Variants in AK5 observed in about 807,000 individuals in gnomAD.
AK5 encodes adenylate kinase isoenzyme 5.
Under a neutral mutation model 69.5 loss-of-function variants are expected in AK5, and 27 were observed. The observed-to-expected ratio is 0.39, with a 90% CI of 0.29 to 0.54. The LOEUF is 0.54. AK5 is among the 20% of genes least tolerant of loss of function. The pLI is 0.71. For synonymous variants in AK5, 260 were observed against 244.4 expected, an observed-to-expected ratio of 1.06 and a Z score of -0.60; for missense variants, 531 against 700.4, an observed-to-expected ratio of 0.76 and a Z score of 2.73.
intron 5 of AK5, among the ~76,000 whole-genome samples, chr1:77,332,661 A>G (rs899956365): frequency 2.6e-5 from 4 of 151,472 alleles, no homozygotes; most frequent in African/African-American, 9.7e-5. Context: ...GCTTATTTCT[A>G]CTACAGCCAT....
At chr1:77,408,641 A>C (rs1357545476) in intron 6 of AK5, among the ~76,000 whole-genome samples, 1 of 152,092 alleles carries the variant, frequency 6.6e-6, no homozygotes, top group Non-Finnish European at 1.5e-5. Flanking sequence ...ATTAGGTCCC[A>C]CTTATCAATT....
chr1:77,409,974 C>T (rs1054913511), intron 6 of AK5, among the ~76,000 whole-genome samples: 1 of 152,022 alleles, frequency 6.6e-6, no homozygotes, highest in African/African-American at 2.4e-5. Context: ...GCCAGTTATC[C>T]CAGCACTATT....
At chr1:77,461,162 T>C (rs1338951706) in intron 8 of AK5, among the ~76,000 whole-genome samples, 1 of 151,408 alleles carries the variant, frequency 6.6e-6, no homozygotes, top group Non-Finnish European at 1.5e-5. Context: ...GCCTCCCGAG[T>C]AGCTGAGACT....
rs1651735362 is a variant in AK5 at position 77,432,926 on chromosome 1, G to A, written c.1059+15211G>A. On this transcript the variant is annotated intron_variant, in intron 8 of 13. Transcript: ENST00000354567. ...ATTTTGATGGAGTGTCTTGGGAAAC[G>A]CTGCCTATAGCATGAAGCCATCAAC... Among the ~76,000 whole-genome samples, 4 of 152,288 alleles carry A rather than the reference G, an allele frequency of 2.6e-5. No individual in the cohort carries two copies. In the South Asian group the frequency reaches 6.2e-4, roughly 24 times the overall value.
intron 8 of AK5, among the ~76,000 whole-genome samples, chr1:77,445,397 C>A (rs199878804): frequency 6.6e-6 from 1 of 152,256 alleles, no homozygotes; most frequent in East Asian, 1.9e-4. Context: ...AGTACCTTTT[C>A]ATGTACCTGT....
At position 77,537,389 on chromosome 1, in the gene AK5, A is replaced by G. The variant is rs376583190; in HGVS notation, c.1620+1351A>G. Among the ~76,000 whole-genome samples the G allele has an allele frequency of 2.0e-5, 3 of 152,292 alleles. No individual in the cohort carries two copies. In the East Asian group the frequency reaches 5.8e-4, roughly 29 times the overall value. ...CAAGATGGATCATATGTAGGAGCAA[A>G]TAATTGTCCTCTGAGTGATGGGAAC... On this transcript the variant is annotated intron_variant, in intron 13 of 13. Coordinates refer to ENST00000354567, the MANE Select transcript of AK5 (RefSeq NM_174858.3).
intron 13 of AK5, among the ~76,000 whole-genome samples, chr1:77,537,095 G>A (rs1659012847): frequency 6.6e-6 from 1 of 152,128 alleles, no homozygotes; most frequent in Admixed American, 6.5e-5. Context: ...AGGAGAGAGA[G>A]ACAAACGTGT....
At chr1:77,379,007 A>C (rs995050316) in intron 6 of AK5, among the ~76,000 whole-genome samples, 2 of 152,210 alleles carry the variant, frequency 1.3e-5, no homozygotes, top group African/African-American at 4.8e-5. Context: ...AAGAGACAAC[A>C]TGCTGGGTTG....
At chr1:77,291,166 G>A (rs539132071) in intron 2 of AK5, among the ~76,000 whole-genome samples, 5 of 152,308 alleles carry the variant, frequency 3.3e-5, no homozygotes, top group South Asian at 2.1e-4. Context: ...TATTGCTGGA[G>A]CAGAAAAGAG....
chr1:77,529,946 A>G (rs1248277175), intron 12 of AK5, among the ~76,000 whole-genome samples: 1 of 152,230 alleles, frequency 6.6e-6, no homozygotes, highest in Non-Finnish European at 1.5e-5. Context: ...ATATGTACAT[A>G]ACTCTCGTGG....
chr1:77,348,142 A>T (rs1662004695), intron 6 of AK5, among the ~76,000 whole-genome samples: 1 of 151,190 alleles, frequency 6.6e-6, no homozygotes, highest in Non-Finnish European at 1.5e-5. Flanking sequence ...TTTTATTATT[A>T]CCGACACTCA....
At chr1:77,315,513 A>G (rs1209614654) in intron 5 of AK5, among the ~76,000 whole-genome samples, 1 of 152,140 alleles carries the variant, frequency 6.6e-6, no homozygotes, top group African/African-American at 2.4e-5. Flanking sequence ...AAATGAAACT[A>G]CTTTGAAGAA....
At chr1:77,532,083 C>T (rs2803170) in intron 12 of AK5, 3,848 of 153,290 alleles carry the variant, frequency 0.025, 126 homozygotes, top group African/African-American at 0.088. Context: ...TGCGCACAGT[C>T]CCGGTTCCCG....
intron 13 of AK5, among the ~76,000 whole-genome samples, chr1:77,557,616 C>T (rs907762413): frequency 8.5e-5 from 13 of 152,154 alleles, no homozygotes; most frequent in Non-Finnish European, 1.9e-4. Context: ...CACACCTACA[C>T]ACTGCGGTCC....
intron 1 of AK5, chr1:77,282,615 G>A (rs1303125226): frequency 8.5e-6 from 11 of 1,287,854 alleles, no homozygotes; most frequent in Non-Finnish European, 1.1e-5. Context: ...CTTCCAGCAG[G>A]GTTCTGAAAG....
At chr1:77,438,294 CAAAAAAAAAAAAA>C (rs56019139) in intron 8 of AK5, among the ~76,000 whole-genome samples, 43 of 52,802 alleles carry the variant, frequency 8.1e-4, no homozygotes, top group African/African-American at 1.6e-3. Context: ...ATATTTGGTA[CAAAAAAAAAAAAA>C]AAAAAAAAAA....
chr1:77,546,149 C>G (rs551486096), intron 13 of AK5, among the ~76,000 whole-genome samples: 3 of 152,240 alleles, frequency 2.0e-5, no homozygotes, highest in African/African-American at 7.2e-5. Context: ...CCTCCCCAAA[C>G]AGCAAGCAGA....
intron 7 of AK5, among the ~76,000 whole-genome samples, chr1:77,416,808 G>A (rs1446445663): frequency 6.6e-6 from 1 of 152,176 alleles, no homozygotes; most frequent in Non-Finnish European, 1.5e-5. Context: ...CCAAGGCCAA[G>A]TTTACAGTGA....
chr1:77,408,430 T>G (rs1428316556), intron 6 of AK5, among the ~76,000 whole-genome samples: 1 of 152,204 alleles, frequency 6.6e-6, no homozygotes, highest in African/African-American at 2.4e-5. Flanking sequence ...GTAAGTCTTT[T>G]TTTGAGAAGT....
Sources: gnomAD v4.1 joint callset for allele counts (sites outside exome capture counted in the v4.1 genomes callset) on GRCh38, gnomAD v4.1.1 for gene constraint, MANE v1.5 for transcripts, NCBI Gene and HGNC (gene_info 2026-07-23, HGNC 2026-07-21) for gene names.